The following GMDS variants were observed in gnomAD, a reference collection of about 807,000 sequenced individuals.
The protein encoded by GMDS is GDP-mannose 4,6-dehydratase.
A neutral mutation model predicts 49.9 loss-of-function variants in GMDS; 20 were observed. The observed-to-expected ratio is 0.40, with a 90% CI of 0.28 to 0.58. GMDS has a LOEUF of 0.58. Among genes scored for constraint, GMDS ranks in the 20% least tolerant of loss-of-function variants. The pLI is 0.42. For synonymous variants in GMDS, 177 were observed against 178.6 expected (o/e 0.99, Z 0.07); for missense variants, 362 against 481.4 (o/e 0.75, Z 2.32).
chr6:1,888,145 T>TTA (rs1308927714), intron 7 of GMDS, among the ~76,000 whole-genome samples: 1 of 149,950 alleles, frequency 6.7e-6, no homozygotes, highest in Non-Finnish European at 1.5e-5. Flanking sequence ...TTTTTTTTTT[T>TTA]TTTTTGAAGA....
At position 2,052,193 on chromosome 6, in the gene GMDS, A is replaced by T. The variant is rs537348696; in HGVS notation, c.345+63578T>A. Reference sequence around the variant, plus strand: ...CTCCTGCTATGTTTGTAATTTGTCTACTTCACCTTTTAGTTCAGTCAACTT... The same window carrying T: ...CTCCTGCTATGTTTGTAATTTGTCTTCTTCACCTTTTAGTTCAGTCAACTT... On this transcript the variant is annotated intron_variant, in intron 4 of 10. Coordinates refer to ENST00000380815, the MANE Select transcript of GMDS (RefSeq NM_001500.4). Among the ~76,000 whole-genome samples, 3 of 151,528 alleles carry T rather than the reference A, an allele frequency of 2.0e-5. No individual in the cohort carries two copies. In the East Asian group the frequency reaches 5.8e-4, roughly 29 times the overall value.
chr6:1,944,769 A>C (rs1272150712), intron 6 of GMDS, among the ~76,000 whole-genome samples: 1 of 152,212 alleles, frequency 6.6e-6, no homozygotes, highest in East Asian at 1.9e-4. Context: ...AAAGTAACGA[A>C]ATCTTCAAAA....
At chr6:2,161,459 TC>T (rs1300920081) in intron 1 of GMDS, among the ~76,000 whole-genome samples, 1 of 152,198 alleles carries the variant, frequency 6.6e-6, no homozygotes, top group Non-Finnish European at 1.5e-5. Flanking sequence ...CCATCTGACA[TC>T]TTATGAGTAC....
chr6:1,791,317 G>A (rs1406232172), intron 7 of GMDS, among the ~76,000 whole-genome samples: 1 of 152,170 alleles, frequency 6.6e-6, no homozygotes, highest in Non-Finnish European at 1.5e-5. Flanking sequence ...CAGTCCTGGA[G>A]GCTATACTTC....
At chr6:2,244,459 T>G (rs1305278606) in intron 1 of GMDS, among the ~76,000 whole-genome samples, 2 of 152,060 alleles carry the variant, frequency 1.3e-5, no homozygotes, top group Non-Finnish European at 2.9e-5. Context: ...ATCACATTCT[T>G]TCTACAGCAA....
Position 1,960,802 on chromosome 6 carries a change from G to T in GMDS, c.510C>A (p.Thr170=). 1 of 1,604,714 alleles carries T rather than the reference G, an allele frequency of 6.2e-7. No homozygotes were observed. The highest frequency in any genetic ancestry group is 8.5e-7 in the Non-Finnish European group (1 of 1,172,846). Residue 170 remains threonine (T), a synonymous_variant, in exon 5 of 11, where the codon ACC becomes ACA. Transcript: ENST00000380815. ...GKVQEIPQKE[T]TPFYPRSPYG... ...AGGGTGACCGGGGATAGAAAGGGGT[G>T]GTCTCCTTCTGGGGTATTTCCTGCA...
intron 7 of GMDS, among the ~76,000 whole-genome samples, chr6:1,911,103 G>A (rs1761029424): frequency 6.6e-6 from 1 of 152,178 alleles, no homozygotes; most frequent in African/African-American, 2.4e-5. Context: ...ACAGCAACGT[G>A]TACCATATAT....
intron 4 of GMDS, among the ~76,000 whole-genome samples, chr6:1,977,234 G>A (rs1764954900): frequency 1.3e-5 from 2 of 152,168 alleles, no homozygotes; most frequent in South Asian, 4.1e-4. Context: ...TGAGAAACAA[G>A]AAGAAATTGA....
intron 1 of GMDS, among the ~76,000 whole-genome samples, chr6:2,154,197 G>T (rs1176266906): frequency 6.6e-6 from 1 of 151,970 alleles, no homozygotes; most frequent in Non-Finnish European, 1.5e-5. Context: ...GTAGATTTTA[G>T]ACACAAAAAT....
intron 4 of GMDS, among the ~76,000 whole-genome samples, chr6:2,114,684 C>G (rs896170504): frequency 1.3e-5 from 2 of 152,148 alleles, no homozygotes; most frequent in African/African-American, 4.8e-5. Flanking sequence ...ATGTAGCCAT[C>G]CTTCAAGGTT....
intron 7 of GMDS, among the ~76,000 whole-genome samples, chr6:1,777,184 GT>G (rs1768871167): frequency 6.6e-6 from 1 of 152,254 alleles, no homozygotes; most frequent in South Asian, 2.1e-4. Flanking sequence ...AGTGAAACAG[GT>G]TACGTGGCTC....
intron 9 of GMDS, among the ~76,000 whole-genome samples, chr6:1,686,888 A>T (rs1764995963): frequency 6.6e-6 from 1 of 152,236 alleles, no homozygotes; most frequent in South Asian, 2.1e-4. Context: ...CAATTTTTTT[A>T]AATGAAATTA....
intron 4 of GMDS, among the ~76,000 whole-genome samples, chr6:1,972,542 G>A (rs1435043533): frequency 1.3e-5 from 2 of 152,050 alleles, no homozygotes; most frequent in Non-Finnish European, 2.9e-5. Flanking sequence ...ACTTAACCAA[G>A]GATTCACAGG....
intron 9 of GMDS, among the ~76,000 whole-genome samples, chr6:1,686,449 G>A (rs62388303): frequency 6.6e-6 from 1 of 152,092 alleles, no homozygotes; most frequent in Non-Finnish European, 1.5e-5. Flanking sequence ...AGTGTCACTG[G>A]GATCTCTGAC....
At chr6:1,945,359 G>A (rs755690153) in intron 6 of GMDS, among the ~76,000 whole-genome samples, 3 of 152,104 alleles carry the variant, frequency 2.0e-5, no homozygotes, top group Non-Finnish European at 4.4e-5. Flanking sequence ...AGCAGAGACT[G>A]AGCCTGTGTG....
chr6:1,848,852 T>C (rs62388421), intron 7 of GMDS, among the ~76,000 whole-genome samples: 17,479 of 152,094 alleles, frequency 0.11, 1,252 homozygotes, highest in South Asian at 0.17. Context: ...GAGGGATGGG[T>C]GAGCATACAC....
intron 9 of GMDS, among the ~76,000 whole-genome samples, chr6:1,646,704 C>G (rs1201826893): frequency 6.6e-6 from 1 of 152,162 alleles, no homozygotes; most frequent in Non-Finnish European, 1.5e-5. Flanking sequence ...CAATATGATC[C>G]CAACCTCCTT....
chr6:1,794,330 C>T (rs565927072), intron 7 of GMDS, among the ~76,000 whole-genome samples: 2 of 151,394 alleles, frequency 1.3e-5, no homozygotes, highest in Non-Finnish European at 2.9e-5. Context: ...AAAAAAAATA[C>T]TTGGAAAATT....
chr6:2,196,192 G>A (rs1172257329), intron 1 of GMDS, among the ~76,000 whole-genome samples: 2 of 152,172 alleles, frequency 1.3e-5, no homozygotes, highest in Non-Finnish European at 1.5e-5. Flanking sequence ...TGGTCTCCCT[G>A]AAGTACAAAG....
Sources: gnomAD v4.1 joint callset for allele counts (sites outside exome capture counted in the v4.1 genomes callset) on GRCh38, gnomAD v4.1.1 for gene constraint, MANE v1.5 for transcripts, NCBI Gene and HGNC (gene_info 2026-07-23, HGNC 2026-07-21) for gene names.